The following KRT80 variants were observed in gnomAD, a reference collection of about 807,000 sequenced individuals.
KRT80 encodes the protein keratin, type II cytoskeletal 80.
A neutral mutation model predicts 51.5 loss-of-function variants in KRT80; 36 were observed. The ratio of observed to expected loss-of-function variants is 0.70; its 90% CI spans 0.54 to 0.92. KRT80 has a LOEUF of 0.92. Among genes scored for constraint, KRT80 ranks in the 40% least tolerant of loss-of-function variants. KRT80 has a pLI of 0.00. For synonymous variants in KRT80, 235 were observed against 248.3 expected (o/e 0.95, Z 0.50); for missense variants, 566 against 591.7 (o/e 0.96, Z 0.45).
Position 52,191,854 on chromosome 12 carries a change from C to G in KRT80, c.49G>C (p.Glu17Gln). ...VVGFSSLSSC[E>Q]VTPVGSPRPG... Reference sequence around the variant, plus strand: ...CGGGGGCTGCCCACCGGGGTCACCTCACAGCTGCTGAGGCTGCTGAAGCCA... The same window carrying G: ...CGGGGGCTGCCCACCGGGGTCACCTGACAGCTGCTGAGGCTGCTGAAGCCA... The change falls in exon 1 of 9, where the codon GAG becomes CAG. Residue 17 changes from glutamate (E) to glutamine (Q), a missense_variant. Transcript: ENST00000394815. 5.8e-6 allele frequency: 9 copies of G among 1,546,798 alleles called. No individual in the cohort carries two copies. Among genetic ancestry groups the G allele is most frequent in the South Asian group, 1.2e-5 (1 of 84,234 alleles).
Position 52,191,650 on chromosome 12 carries a change from CCTT to C in KRT80, c.250_252del (p.Lys84del), listed in dbSNP as rs1485285256. 6.8e-6 allele frequency: 11 copies of C among 1,610,384 alleles called. No homozygotes were observed. The highest frequency in any genetic ancestry group is 9.3e-6 in the Non-Finnish European group (11 of 1,177,528). ...TTATCATTGAGGGCCTTCATCTCCT[CCTT>C]CTCCTGGTTCTTCAGCTGCTGAACA... On this transcript the variant is annotated inframe_deletion, in exon 1 of 9. Coordinates refer to ENST00000394815, the MANE Select transcript of KRT80 (RefSeq NM_182507.3).
Position 52,171,196 on chromosome 12 carries a change from C to T in KRT80, c.*202G>A, listed in dbSNP as rs951531653. ...GGGACTGTGAGATACTGATATGGAGCGGAGTGGCTCTGAGGAGCTGGTGAT... is the reference window on the plus strand; with the variant it reads ...GGGACTGTGAGATACTGATATGGAGTGGAGTGGCTCTGAGGAGCTGGTGAT... On this transcript the variant is annotated 3_prime_UTR_variant, in exon 9 of 9. Coordinates refer to ENST00000394815, the MANE Select transcript of KRT80 (RefSeq NM_182507.3). 2.9e-5 allele frequency: 16 copies of T among 552,954 alleles called. No individual in the cohort carries two copies. Among genetic ancestry groups the T allele is most frequent in the East Asian group, 9.2e-5 (3 of 32,614 alleles). 34.3% of individuals were successfully genotyped at this position (552,954 alleles called of 1,614,324 possible).
At position 52,191,984 on chromosome 12, in the gene KRT80, C is replaced by T. The variant is rs1941490350; in HGVS notation, c.-82G>A. The stretch of plus-strand genomic sequence containing the variant: ...TGCGTCGGGTGGCAGGCTCTGGTTG[C>T]TCTGGTCACAGCTGGGGCGGGCTGG... On this transcript the variant is annotated 5_prime_UTR_variant, in exon 1 of 9. Transcript: ENST00000394815. 2 of 1,288,834 alleles carry T rather than the reference C, an allele frequency of 1.6e-6. No homozygotes were observed. Among genetic ancestry groups the T allele is most frequent in the South Asian group, 1.6e-5 (1 of 63,658 alleles). 79.8% of individuals were successfully genotyped at this position (1,288,834 alleles called of 1,614,324 possible).
At position 52,191,798 on chromosome 12, in the gene KRT80, C is replaced by T. The variant is rs770771688; in HGVS notation, c.105G>A (p.Arg35=). 2 of 1,608,700 alleles carry T rather than the reference C, an allele frequency of 1.2e-6. No homozygotes were observed. Among genetic ancestry groups the T allele is most frequent in the Non-Finnish European group, 1.7e-6 (2 of 1,177,780 alleles). Residue 35 remains arginine (R), a synonymous_variant, in exon 1 of 9, where the codon AGG becomes AGA. Coordinates refer to ENST00000394815, the MANE Select transcript of KRT80 (RefSeq NM_182507.3). ...GGGAGCTGAAGCCCGGCCCGGGGGC[C>T]CTGCAGCTGTCCCATCCTGAGGTTC... The part of the protein sequence containing the change: ...RPGTSGWDSC[R]APGPGFSSRS...
intron 1 of KRT80, among the ~76,000 whole-genome samples, chr12:52,189,972 G>A (rs1271635060): frequency 6.6e-6 from 1 of 152,230 alleles, no homozygotes; most frequent in Non-Finnish European, 1.5e-5. Flanking sequence ...GCTCAGTGAA[G>A]CATTCCTTCT....
intron 7 of KRT80, 36 bp downstream of exon 7, chr12:52,172,162 C>A: frequency 6.2e-7 from 1 of 1,606,876 alleles, no homozygotes; most frequent in Non-Finnish European, 8.5e-7. Flanking sequence ...AGCCCTCCTT[C>A]CCCTGCAGCC....
At chr12:52,182,079 G>A (rs1454963677) in intron 2 of KRT80, among the ~76,000 whole-genome samples, 4 of 152,186 alleles carry the variant, frequency 2.6e-5, no homozygotes, top group African/African-American at 4.8e-5. Flanking sequence ...GGCAGGGCAC[G>A]TGGGTTTCTG....
At chr12:52,191,061 T>C (rs1343704521) in intron 1 of KRT80, among the ~76,000 whole-genome samples, 8 of 152,186 alleles carry the variant, frequency 5.3e-5, no homozygotes, top group Non-Finnish European at 1.5e-5. Flanking sequence ...ACACCTGAGC[T>C]GCACCCTCAC....
chr12:52,177,839 G>T (rs897859172), intron 4 of KRT80, among the ~76,000 whole-genome samples: 3 of 152,102 alleles, frequency 2.0e-5, no homozygotes, highest in Non-Finnish European at 4.4e-5. Flanking sequence ...CCTGAGGCAG[G>T]TGTGGCTGGC....
chr12:52,190,983 G>C (rs73105107), intron 1 of KRT80, among the ~76,000 whole-genome samples: 1,943 of 152,260 alleles, frequency 0.013, 16 homozygotes, highest in South Asian at 0.029. Flanking sequence ...GGGGCGCAGG[G>C]TGCAGGAAGG....
Position 52,185,529 on chromosome 12 carries a change from C to T in KRT80, c.359G>A (p.Gly120Asp). Residue 120 changes from glycine (G) to aspartate (D), a missense_variant, in exon 2 of 9, where the codon GGC (glycine) becomes GAC (aspartate). By Grantham distance (94) the Gly-to-Asp change is moderately conservative (BLOSUM62 -1). Coordinates refer to ENST00000394815, the MANE Select transcript of KRT80 (RefSeq NM_182507.3). ...LLETRWSFLQ[G>D]QDSAIFDLGH... is the part of the protein sequence containing the mutation. ...GAGGTCGAAGATGGCTGAGTCCTGG[C>T]CCTGCAGGAAGCTCCAGCGTGTCTC... The T allele has an allele frequency of 6.2e-7, 1 of 1,613,302 alleles. No individual in the cohort carries two copies. The highest frequency in any genetic ancestry group is 1.7e-5 in the Admixed American group (1 of 60,028).
chr12:52,182,090 G>A (rs750189862), intron 2 of KRT80, among the ~76,000 whole-genome samples: 68 of 152,274 alleles, frequency 4.5e-4, no homozygotes, highest in South Asian at 1.5e-3. Context: ...TGGGTTTCTG[G>A]TCTCAGTGTA....
At chr12:52,173,205 C>T (rs771741793) in intron 5 of KRT80, 42 bp from the exon 6 acceptor site, 19 of 1,550,158 alleles carry the variant, frequency 1.2e-5, no homozygotes, top group African/African-American at 5.4e-5. Flanking sequence ...AGCTCAGTGC[C>T]GCTCCCAGCA....
intron 2 of KRT80, among the ~76,000 whole-genome samples, chr12:52,183,218 G>A (rs1592364081): frequency 6.6e-6 from 1 of 152,114 alleles, no homozygotes. Context: ...CAAAGCCTTC[G>A]GAAGTCTCCA....
chr12:52,187,833 T>A (rs975291655), intron 1 of KRT80, among the ~76,000 whole-genome samples: 1 of 152,148 alleles, frequency 6.6e-6, no homozygotes, highest in Non-Finnish European at 1.5e-5. Context: ...GCCCCATGTT[T>A]ACACTGAGGG....
chr12:52,182,826 T>C (rs988921162), intron 2 of KRT80, among the ~76,000 whole-genome samples: 3 of 151,944 alleles, frequency 2.0e-5, no homozygotes, highest in African/African-American at 7.2e-5. Flanking sequence ...GTGGGTGGGG[T>C]GGGAATAAGC....
intron 4 of KRT80, among the ~76,000 whole-genome samples, chr12:52,176,148 A>C (rs533997596): frequency 6.6e-6 from 1 of 152,364 alleles, no homozygotes; most frequent in South Asian, 2.1e-4. Context: ...CTTGGTAAAC[A>C]AAAGCAGGAA....
chr12:52,173,479 C>T, intron 5 of KRT80, 121 bp downstream of exon 5: 1 of 1,009,078 alleles, frequency 9.9e-7, no homozygotes, highest in Non-Finnish European at 1.5e-6. Context: ...TTCTCCATTC[C>T]TCTCTCATAG....
At chr12:52,182,300 G>A (rs1389383359) in intron 2 of KRT80, among the ~76,000 whole-genome samples, 1 of 152,180 alleles carries the variant, frequency 6.6e-6, no homozygotes, top group Non-Finnish European at 1.5e-5. Flanking sequence ...TCTCTCTGGT[G>A]GTCCTCAGAG....
Sources: gnomAD v4.1 joint callset for allele counts (sites outside exome capture counted in the v4.1 genomes callset) on GRCh38, gnomAD v4.1.1 for gene constraint, MANE v1.5 for transcripts, NCBI Gene and HGNC (gene_info 2026-07-23, HGNC 2026-07-21) for gene names.